The following ACAP2 variants were observed in gnomAD, a reference collection of about 807,000 sequenced individuals.
ACAP2 encodes the protein arf-GAP with coiled-coil, ANK repeat and PH domain-containing protein 2.
ACAP2 carries 39 observed loss-of-function variants against 115.8 expected under a neutral mutation model. The observed-to-expected ratio is 0.34, with a 90% CI of 0.26 to 0.44. The LOEUF (loss-of-function observed/expected upper bound fraction) is 0.44, where lower values mean the gene tolerates loss of function less well. Among genes scored for constraint, ACAP2 ranks in the 20% least tolerant of loss-of-function variants. ACAP2 has a pLI of 1.00. For synonymous variants in ACAP2, 289 were observed against 315.8 expected, an observed-to-expected ratio of 0.92 and a Z score of 0.90; for missense variants, 662 against 927.6, an observed-to-expected ratio of 0.71 and a Z score of 3.72.
At chr3:195,435,183 C>A (rs911449125) in intron 1 of ACAP2, among the ~76,000 whole-genome samples, 7 of 147,520 alleles carry the variant, frequency 4.7e-5, no homozygotes, top group African/African-American at 1.8e-4. Flanking sequence ...TTTGAGATCT[C>A]TTTTTTTTTT....
rs748254607 is a variant in ACAP2, at chr3:195,326,883, A to AC, written c.744+1dup. 2 of 1,613,800 alleles carry AC rather than the reference A, an allele frequency of 1.2e-6. No individual in the cohort carries two copies. The highest frequency in any genetic ancestry group is 1.7e-6 in the Non-Finnish European group (2 of 1,179,832). On this transcript the variant is annotated splice_donor_variant, in intron 9 of 22. Coordinates refer to ENST00000326793, the MANE Select transcript of ACAP2 (RefSeq NM_012287.6). LOFTEE classifies it high-confidence loss of function. ...TAATTTTTAATTTTTCCCCTGAGGT[A>AC]CCTTTTGTTGAATGGTGGAATGTTT...
intron 13 of ACAP2, among the ~76,000 whole-genome samples, chr3:195,303,167 G>C (rs1377450151): frequency 6.6e-6 from 1 of 152,184 alleles, no homozygotes; most frequent in African/African-American, 2.4e-5. Context: ...AGTGAGCCAA[G>C]ATCATGTTGA....
chr3:195,300,457 G>A (rs1308878489), intron 15 of ACAP2, among the ~76,000 whole-genome samples: 8 of 152,178 alleles, frequency 5.3e-5, no homozygotes, highest in East Asian at 3.9e-4. Context: ...CTACTATTTC[G>A]AATTTTGTAA....
intron 4 of ACAP2, among the ~76,000 whole-genome samples, chr3:195,366,662 CT>C (rs1732744510): frequency 6.6e-6 from 1 of 152,168 alleles, no homozygotes; most frequent in Non-Finnish European, 1.5e-5. Flanking sequence ...CATGGGGAGC[CT>C]TAAAAATTAC....
rs951651890 is a variant in ACAP2, at chr3:195,291,900, C to T, written c.1954-85G>A. On this transcript the variant is annotated intron_variant, in intron 19 of 22. Transcript: ENST00000326793. The stretch of plus-strand genomic sequence containing the variant: ...TTTCTTTTTAAAAACAATTGGTTTT[C>T]GTTACTCAAATAGCATTTCCATTTC... 9 of 1,167,262 alleles carry T rather than the reference C, an allele frequency of 7.7e-6. No homozygotes were observed. In the South Asian group the frequency reaches 1.6e-4, roughly 20 times the overall value. The allele number at this position is 1,167,262 out of a possible 1,614,324, so 72.3% of individuals were successfully genotyped here. A position where few individuals can be genotyped will look rare whatever the true frequency, so the allele number is the denominator to read the frequency against.
At chr3:195,285,001 A>G (rs748241537) in intron 22 of ACAP2, among the ~76,000 whole-genome samples, 1 of 152,216 alleles carries the variant, frequency 6.6e-6, no homozygotes, top group African/African-American at 2.4e-5. Flanking sequence ...AAATTACTCA[A>G]AATGAAACTT....
chr3:195,294,995 A>C (rs1342822163), intron 17 of ACAP2, among the ~76,000 whole-genome samples, 184 bp from the exon 18 acceptor site: 1 of 152,194 alleles, frequency 6.6e-6, no homozygotes. Flanking sequence ...AATCAATCAT[A>C]AAACCTGAAA....
Position 195,292,066 on chromosome 3 carries a change from G to A in ACAP2, c.1953+199C>T, listed in dbSNP as rs112907649. ...AAACACATTATATACTTTCATTATC[G>A]GAATTCTCTTCCACTGCAAAAAAAC... On this transcript the variant is annotated intron_variant, in intron 19 of 22. Coordinates refer to ENST00000326793, the MANE Select transcript of ACAP2 (RefSeq NM_012287.6). Among the ~76,000 whole-genome samples, 64 of 152,136 alleles carry A rather than the reference G, an allele frequency of 4.2e-4. No homozygotes were observed. In the Middle Eastern group the frequency reaches 0.017, roughly 40 times the overall value.
At position 195,437,757 on chromosome 3, in the gene ACAP2, G is replaced by T. The variant is rs79693299; in HGVS notation, c.53+5038C>A. Among the ~76,000 whole-genome samples, 231 of 143,846 alleles carry T rather than the reference G, an allele frequency of 1.6e-3. 1 individual carries two copies. Among genetic ancestry groups the T allele is most frequent in the African/African-American group, 5.9e-3 (229 of 38,604 alleles). 94.4% of individuals were successfully genotyped at this position (143,846 alleles called of 152,430 possible). The stretch of plus-strand genomic sequence containing the variant: ...CTGAACCAGGGAGGTGGAGGTTGCA[G>T]TGAGTGGAGATTGCACCACTGCACT... On this transcript the variant is annotated intron_variant, in intron 1 of 22. Transcript: ENST00000326793.
intron 4 of ACAP2, among the ~76,000 whole-genome samples, chr3:195,352,702 G>A (rs1731691433): frequency 6.6e-6 from 1 of 152,170 alleles, no homozygotes; most frequent in Non-Finnish European, 1.5e-5. Flanking sequence ...CCAATTCTTT[G>A]CTCTTTGAGT....
At position 195,438,386 on chromosome 3, in the gene ACAP2, T is replaced by C. The variant is rs548819346; in HGVS notation, c.53+4409A>G. Among the ~76,000 whole-genome samples, 278 of 137,270 alleles carry C rather than the reference T, an allele frequency of 2.0e-3. 1 individual carries two copies. The highest frequency in any genetic ancestry group is 7.4e-3 in the African/African-American group (270 of 36,534). 90.1% of individuals were successfully genotyped at this position (137,270 alleles called of 152,430 possible). A position where few individuals can be genotyped will look rare whatever the true frequency, so the allele number is the denominator to read the frequency against. On this transcript the variant is annotated intron_variant, in intron 1 of 22. Coordinates refer to ENST00000326793, the MANE Select transcript of ACAP2 (RefSeq NM_012287.6). Reference sequence around the variant, plus strand: ...CTTTATAATTCCATTCTACTGCTTCTGAGATTAAAAAAAAAAAAAATTTCC... The same window carrying C: ...CTTTATAATTCCATTCTACTGCTTCCGAGATTAAAAAAAAAAAAAATTTCC...
intron 10 of ACAP2, among the ~76,000 whole-genome samples, chr3:195,314,415 G>A (rs572361653): frequency 1.1e-4 from 16 of 152,050 alleles, no homozygotes; most frequent in Admixed American, 3.9e-4. Context: ...TTACAGATGC[G>A]TGCCACCATG....
chr3:195,393,487 TA>T (rs557325033), intron 1 of ACAP2, among the ~76,000 whole-genome samples: 219 of 152,302 alleles, frequency 1.4e-3, no homozygotes, highest in Non-Finnish European at 2.7e-3. Context: ...ATGCCTATGA[TA>T]AAATGAGATG....
At chr3:195,379,006 TAATA>T (rs1364433922) in intron 4 of ACAP2, among the ~76,000 whole-genome samples, 1 of 152,084 alleles carries the variant, frequency 6.6e-6, no homozygotes, top group Non-Finnish European at 1.5e-5. Context: ...TTTCAAAGGA[TAATA>T]AATTATAGAA....
chr3:195,321,557 G>T (rs1729456001), intron 9 of ACAP2, among the ~76,000 whole-genome samples: 1 of 151,086 alleles, frequency 6.6e-6, no homozygotes, highest in Non-Finnish European at 1.5e-5. Flanking sequence ...TATTTAATTG[G>T]GATTATTTAA....
intron 4 of ACAP2, 74 bp downstream of exon 4, chr3:195,380,935 A>G (rs925018752): frequency 4.5e-6 from 6 of 1,333,468 alleles, no homozygotes; most frequent in Middle Eastern, 2.3e-4. Flanking sequence ...TAGTCATTTC[A>G]TAAAACATTG....
chr3:195,286,983 T>C (rs540861933), intron 21 of ACAP2, among the ~76,000 whole-genome samples: 1 of 152,248 alleles, frequency 6.6e-6, no homozygotes, highest in East Asian at 1.9e-4. Context: ...GCCTCCATAA[T>C]AACAGTAACC....
intron 21 of ACAP2, among the ~76,000 whole-genome samples, chr3:195,288,429 C>A (rs1317903721): frequency 6.6e-6 from 1 of 152,110 alleles, no homozygotes; most frequent in African/African-American, 2.4e-5. Flanking sequence ...GAAGTTCACA[C>A]AATGCACAAT....
intron 10 of ACAP2, among the ~76,000 whole-genome samples, chr3:195,316,926 A>T (rs901850127): frequency 2.7e-5 from 3 of 111,458 alleles, no homozygotes; most frequent in African/African-American, 6.9e-5. Flanking sequence ...TTTTTTTGAG[A>T]CAAGAGTCTC....
Sources: allele counts gnomAD v4.1 joint callset (sites outside exome capture counted in the v4.1 genomes callset), GRCh38; gene constraint gnomAD v4.1.1; transcripts MANE v1.5; gene names NCBI Gene and HGNC (gene_info 2026-07-23, HGNC 2026-07-21).